The following AVEN variants were observed in gnomAD, a reference collection of about 807,000 sequenced individuals.
AVEN encodes apoptosis and caspase activation inhibitor.
AVEN carries 41 observed loss-of-function variants against 38.1 expected under a neutral mutation model. The observed-to-expected ratio is 1.08, with a 90% CI of 0.84 to 1.40. The LOEUF is 1.40. Ranked by LOEUF, AVEN falls within the 40% of genes most tolerant of loss-of-function variation. AVEN has a pLI of 0.00. For synonymous variants in AVEN, 206 were observed against 171.8 expected (o/e 1.20, Z -1.56); for missense variants, 605 against 438.8 (o/e 1.38, Z -3.38).
chr15:33,864,143 T>C, downstream of AVEN: 1 of 1,611,326 alleles, frequency 6.2e-7, no homozygotes, highest in Non-Finnish European at 8.5e-7. Flanking sequence ...TCCAGGTTCT[T>C]TCTGATGTAT....
chr15:33,994,442 GTAA>G (rs1896853688), intron 2 of AVEN, among the ~76,000 whole-genome samples: 1 of 152,256 alleles, frequency 6.6e-6, no homozygotes, highest in Non-Finnish European at 1.5e-5. Flanking sequence ...ATATCACAAT[GTAA>G]TAATAATAGA....
At chr15:33,926,638 C>T (rs968574315) in intron 2 of AVEN, among the ~76,000 whole-genome samples, 1 of 152,074 alleles carries the variant, frequency 6.6e-6, no homozygotes, top group Non-Finnish European at 1.5e-5. Flanking sequence ...TAACCAGACC[C>T]TGTCTCTACA....
At chr15:33,947,140 G>T (rs1263154749) in intron 2 of AVEN, among the ~76,000 whole-genome samples, 1 of 152,102 alleles carries the variant, frequency 6.6e-6, no homozygotes, top group Admixed American at 6.5e-5. Flanking sequence ...AAAGTAGAGG[G>T]TGTCCAAAGT....
chr15:33,913,647 A>G (rs1893005268), intron 2 of AVEN, among the ~76,000 whole-genome samples: 1 of 152,224 alleles, frequency 6.6e-6, no homozygotes, highest in African/African-American at 2.4e-5. Context: ...TGAAGTTTGT[A>G]CATTTCCTGT....
intron 2 of AVEN, among the ~76,000 whole-genome samples, chr15:33,927,532 G>C (rs573313873): frequency 2.0e-5 from 3 of 152,082 alleles, no homozygotes; most frequent in South Asian, 4.2e-4. Context: ...TTCTCTACTG[G>C]AAGATACAGA....
At chr15:33,960,271 T>C (rs1323117254) in intron 2 of AVEN, among the ~76,000 whole-genome samples, 2 of 152,210 alleles carry the variant, frequency 1.3e-5, no homozygotes, top group East Asian at 3.9e-4. Context: ...CGTCTGTGAA[T>C]GTGACATTGA....
chr15:33,940,844 T>G (rs568458610), intron 2 of AVEN, among the ~76,000 whole-genome samples: 1 of 152,342 alleles, frequency 6.6e-6, no homozygotes, highest in East Asian at 1.9e-4. Context: ...CCAGCCACGA[T>G]ATGAAATTCT....
At chr15:33,894,950 G>T (rs1216106880) in intron 2 of AVEN, among the ~76,000 whole-genome samples, 1 of 151,414 alleles carries the variant, frequency 6.6e-6, no homozygotes, top group Non-Finnish European at 1.5e-5. Context: ...TCATCTATGT[G>T]ATTAAAAGGT....
chr15:33,973,820 CTAGT>C (rs991521738), intron 2 of AVEN, among the ~76,000 whole-genome samples: 1 of 152,188 alleles, frequency 6.6e-6, no homozygotes, highest in Non-Finnish European at 1.5e-5. Flanking sequence ...AAGCTCAGGA[CTAGT>C]TAATCAGCAG....
intron 1 of AVEN, among the ~76,000 whole-genome samples, chr15:34,018,998 T>C (rs1031246513): frequency 6.6e-6 from 1 of 152,122 alleles, no homozygotes; most frequent in Non-Finnish European, 1.5e-5. Context: ...TGCTCATTGG[T>C]GCATCTACAA....
chr15:33,860,495 ACTT>A (rs971470572), intron 11 of AVEN: 2 of 642,432 alleles, frequency 3.1e-6, no homozygotes, highest in African/African-American at 3.7e-5. Context: ...TTGATAATTC[ACTT>A]TTTTTTTTTA....
At chr15:33,925,569 G>T (rs942561143) in intron 2 of AVEN, among the ~76,000 whole-genome samples, 1 of 152,170 alleles carries the variant, frequency 6.6e-6, no homozygotes, top group African/African-American at 2.4e-5. Context: ...CAGGTGTGCC[G>T]GTTAATGGCT....
At chr15:33,855,276 C>A (rs909254291), downstream of AVEN, among the ~76,000 whole-genome samples, 2 of 152,062 alleles carry the variant, frequency 1.3e-5, no homozygotes, top group Non-Finnish European at 2.9e-5. Context: ...TGGCTCACTG[C>A]AACCTCCGAC....
Position 33,943,437 on chromosome 15 carries a change from C to G in AVEN, c.445+59595G>C, listed in dbSNP as rs114321867. ...ATAAAAATAGAAAGTACAATGAAGG[C>G]TGTCAGGGGCTGGGAGGGAGGGCAA... is the stretch of plus-strand genomic sequence containing the variant. On this transcript the variant is annotated intron_variant, in intron 2 of 5. Coordinates refer to ENST00000306730, the MANE Select transcript of AVEN (RefSeq NM_020371.3). Among the ~76,000 whole-genome samples the G allele has an allele frequency of 2.2e-3, 329 of 150,020 alleles. 1 individual carries two copies. Among genetic ancestry groups the G allele is most frequent in the African/African-American group, 7.6e-3 (312 of 41,150 alleles).
intron 2 of AVEN, among the ~76,000 whole-genome samples, chr15:33,879,138 A>G (rs1461034014): frequency 1.3e-5 from 2 of 151,992 alleles, no homozygotes; most frequent in Non-Finnish European, 2.9e-5. Flanking sequence ...AATAGCAAAG[A>G]CTTGGAACCA....
chr15:33,911,751 A>T (rs546351731), intron 2 of AVEN, among the ~76,000 whole-genome samples: 2 of 152,336 alleles, frequency 1.3e-5, no homozygotes, highest in East Asian at 3.9e-4. Context: ...CTGGCAATAT[A>T]AAAAAACATA....
At chr15:34,013,315 G>A (rs145416368) in intron 1 of AVEN, among the ~76,000 whole-genome samples, 2,467 of 152,270 alleles carry the variant, frequency 0.016, 68 homozygotes, top group African/African-American at 0.054. Flanking sequence ...ATCTGCCTTG[G>A]CCTCCCAAAG....
chr15:33,927,226 G>A (rs1555507677), intron 2 of AVEN, among the ~76,000 whole-genome samples: 7 of 151,758 alleles, frequency 4.6e-5, no homozygotes, highest in Non-Finnish European at 1.0e-4. Flanking sequence ...CTGCACTCCA[G>A]CCTGGGTGAC....
chr15:33,870,932 T>TA lies in AVEN; in HGVS notation c.612+2dup. ...CGCTTCAAGAGGGCTTCGGGATTTTTACCTGGACCAGTTCGGCAGCAACGT... is the reference window on the plus strand; with the variant it reads ...CGCTTCAAGAGGGCTTCGGGATTTTTAACCTGGACCAGTTCGGCAGCAACGT... On this transcript the variant is annotated splice_region_variant and intron_variant, in intron 4 of 5. Transcript: ENST00000306730. 1 of 1,610,182 alleles carries TA rather than the reference T, an allele frequency of 6.2e-7. No homozygotes were observed. Among genetic ancestry groups the TA allele is most frequent in the African/African-American group, 1.3e-5 (1 of 74,936 alleles).
Sources: gnomAD v4.1 joint callset for allele counts (sites outside exome capture counted in the v4.1 genomes callset) on GRCh38, gnomAD v4.1.1 for gene constraint, MANE v1.5 for transcripts, NCBI Gene and HGNC (gene_info 2026-07-23, HGNC 2026-07-21) for gene names.